Variants in SERPINA12 observed in about 807,000 individuals in gnomAD.
SERPINA12 encodes the protein serpin family A member 12.
SERPINA12 carries 21 observed loss-of-function variants against 25.9 expected under a neutral mutation model. The ratio of observed to expected loss-of-function variants is 0.81; its 90% CI spans 0.58 to 1.17. SERPINA12 has a LOEUF of 1.17. Ranked by LOEUF, SERPINA12 falls within the 50% of genes most tolerant of loss-of-function variation. The pLI, the probability that SERPINA12 is intolerant of heterozygous loss-of-function variation, is 0.00. For synonymous variants in SERPINA12, 220 were observed against 196.0 expected (o/e 1.12, Z -1.02); for missense variants, 562 against 508.3 (o/e 1.11, Z -1.02).
upstream of SERPINA12, among the ~76,000 whole-genome samples, chr14:94,514,468 G>A (rs1042131583): frequency 2.0e-5 from 3 of 152,258 alleles, no homozygotes; most frequent in Non-Finnish European, 4.4e-5. Flanking sequence ...AGTTATGGCT[G>A]GTGGAGGTGG....
chr14:94,503,741 C>A (rs1240470331), intron 1 of SERPINA12, among the ~76,000 whole-genome samples: 1 of 152,222 alleles, frequency 6.6e-6, no homozygotes, highest in African/African-American at 2.4e-5. Context: ...TCTCCATGAA[C>A]CAGTGAGTTG....
At chr14:94,501,104 T>A (rs1385407877) in intron 1 of SERPINA12, 2 of 985,268 alleles carry the variant, frequency 2.0e-6, no homozygotes, top group Non-Finnish European at 2.4e-6. Context: ...GAGAAATTAG[T>A]AAAATTCCCA....
chr14:94,489,859 CCCAGCCCCAAAGGTCT>C lies in SERPINA12; in HGVS notation c.906-108_906-93del, dbSNP rs1900088616. On this transcript the variant is annotated intron_variant, in intron 3 of 4. Transcript: ENST00000677451. ...ACATGACCAATGAAACATGTGTCCT[CCCAGCCCCAAAGGTCT>C]CCAATCTCTCTCCATCCACAGAATG... 9.2e-6 allele frequency: 12 copies of C among 1,309,832 alleles called. No individual in the cohort carries two copies. In the South Asian group the frequency reaches 1.6e-4, roughly 18 times the overall value. 81.1% of individuals were successfully genotyped at this position (1,309,832 alleles called of 1,614,324 possible). A position where few individuals can be genotyped will look rare whatever the true frequency, so the allele number is the denominator to read the frequency against.
chr14:94,505,345 T>C (rs1900894124), intron 1 of SERPINA12, among the ~76,000 whole-genome samples: 1 of 152,218 alleles, frequency 6.6e-6, no homozygotes. Flanking sequence ...CATGGGGATA[T>C]GGGTTCCAGA....
intron 4 of SERPINA12, among the ~76,000 whole-genome samples, chr14:94,488,481 T>G (rs1220933911): frequency 6.6e-6 from 1 of 152,016 alleles, no homozygotes; most frequent in Non-Finnish European, 1.5e-5. Context: ...CAATGCCTTT[T>G]TAACCCCAAA....
intron 4 of SERPINA12, among the ~76,000 whole-genome samples, chr14:94,488,763 A>G (rs537021116): frequency 6.6e-6 from 1 of 152,144 alleles, no homozygotes; most frequent in African/African-American, 2.4e-5. Context: ...TTGCTTGGTC[A>G]TCTCTTCCTA....
chr14:94,488,821 G>A lies in SERPINA12; in HGVS notation c.1053+799C>T, dbSNP rs74244765. Among the ~76,000 whole-genome samples, 267 of 152,262 alleles carry A rather than the reference G, an allele frequency of 1.8e-3. 7 individuals carry two copies. The East Asian group carries it at 0.038, about 22-fold the overall frequency. On this transcript the variant is annotated intron_variant, in intron 4 of 4. Coordinates refer to ENST00000677451, the MANE Select transcript of SERPINA12 (RefSeq NM_001382267.1). ...TCATATGAAACATGTGGCCTTGGGCGCGGTGGCTCACGCCTGTAATCCCAG... is the reference window on the plus strand; with the variant it reads ...TCATATGAAACATGTGGCCTTGGGCACGGTGGCTCACGCCTGTAATCCCAG...
intron 4 of SERPINA12, among the ~76,000 whole-genome samples, chr14:94,487,905 A>C (rs1019853713): frequency 6.6e-6 from 1 of 152,172 alleles, no homozygotes; most frequent in Non-Finnish European, 1.5e-5. Context: ...GATGGTTAAG[A>C]GGGAGAAGGA....
upstream of SERPINA12, among the ~76,000 whole-genome samples, chr14:94,513,735 T>C (rs1387786824): frequency 6.6e-6 from 1 of 152,190 alleles, no homozygotes; most frequent in African/African-American, 2.4e-5. Context: ...TTTAAAAAAT[T>C]ACTGGGTGCT....
intron 1 of SERPINA12, among the ~76,000 whole-genome samples, chr14:94,502,187 T>C (rs2139858104): frequency 6.6e-6 from 1 of 152,254 alleles, no homozygotes. Flanking sequence ...ATAGTCAGTA[T>C]TTCAATTCTC....
In SERPINA12 at chr14:94,489,718, G is replaced by A. The variant is rs768730202; in HGVS notation, c.955C>T (p.Leu319=). Residue 319 remains leucine, a synonymous_variant, in exon 4 of 5, where the codon CTG becomes TTG. Transcript: ENST00000677451. Reference sequence around the variant, plus strand: ...CCTATGTAGGAGAGAGTCTTCTTCAGGTCGAAGGTGCCCGTCATGTGGAGT... The same window carrying A: ...CCTATGTAGGAGAGAGTCTTCTTCAAGTCGAAGGTGCCCGTCATGTGGAGT... ...PRLHMTGTFD[L]KKTLSYIGVS... is the part of the protein sequence containing the mutation. 1.1e-5 allele frequency: 17 copies of A among 1,614,206 alleles called. No homozygotes were observed. The South Asian group carries it at 1.8e-4, about 17-fold the overall frequency.
rs1002304627 is a variant in SERPINA12, at chr14:94,499,804, C to A, written c.-33-1374G>T. 3.9e-5 allele frequency among the ~76,000 whole-genome samples: 6 copies of A among 152,190 alleles called. No homozygotes were observed. In the East Asian group the frequency reaches 1.2e-3, roughly 29 times the overall value. ...TGACATCTAGCCTTGGCCTGGTCCACAGTGGGAGGGCTCTCCAGGCTGGCC... is the reference window on the plus strand; with the variant it reads ...TGACATCTAGCCTTGGCCTGGTCCAAAGTGGGAGGGCTCTCCAGGCTGGCC... On this transcript the variant is annotated intron_variant, in intron 1 of 4. Coordinates refer to ENST00000677451, the MANE Select transcript of SERPINA12 (RefSeq NM_001382267.1).
intron 4 of SERPINA12, among the ~76,000 whole-genome samples, chr14:94,488,614 A>G (rs1900004481): frequency 6.6e-6 from 1 of 152,210 alleles, no homozygotes; most frequent in South Asian, 2.1e-4. Flanking sequence ...TAAAAATATT[A>G]TTCATCATTT....
chr14:94,491,027 A>G (rs1900158463), intron 3 of SERPINA12, among the ~76,000 whole-genome samples: 1 of 152,184 alleles, frequency 6.6e-6, no homozygotes, highest in Admixed American at 6.5e-5. Flanking sequence ...AGCTTTGAAT[A>G]TCATCAACAG....
rs766378600 is a variant in SERPINA12, at chr14:94,497,844, G to C, written c.554C>G (p.Thr185Ser). The C allele has an allele frequency of 1.2e-6, 2 of 1,614,010 alleles. No homozygotes were observed. Among genetic ancestry groups the C allele is most frequent in the Admixed American group, 1.7e-5 (1 of 59,986 alleles). The change falls in exon 2 of 5, where the codon ACC becomes AGC. Residue 185 changes from threonine to serine, a missense_variant. Physicochemically the swap from Thr to Ser is moderately conservative, Grantham distance 58 (BLOSUM62 1). Coordinates refer to ENST00000677451, the MANE Select transcript of SERPINA12 (RefSeq NM_001382267.1). Reference protein sequence around the residue: ...KQINDFISQKTHGKINNLIEN... With the variant: ...KQINDFISQKSHGKINNLIEN... Reference sequence around the variant, plus strand: ...GATCAGGTTGTTAATTTTCCCATGGGTTTTTTGACTGATAAAGTCATTGAT... The same window carrying C: ...GATCAGGTTGTTAATTTTCCCATGGCTTTTTTGACTGATAAAGTCATTGAT...
At chr14:94,494,428 G>A (rs1444648249) in intron 3 of SERPINA12, among the ~76,000 whole-genome samples, 2 of 152,202 alleles carry the variant, frequency 1.3e-5, no homozygotes, top group Admixed American at 6.5e-5. Flanking sequence ...TATCTAGAGT[G>A]AGCTGCAGGC....
chr14:94,493,284 C>T (rs764986259), intron 3 of SERPINA12, among the ~76,000 whole-genome samples: 7 of 152,292 alleles, frequency 4.6e-5, no homozygotes, highest in Middle Eastern at 3.4e-3. Flanking sequence ...TCCCTGGGGA[C>T]GGTGAGCAAG....
chr14:94,499,277 T>C (rs898847367), intron 1 of SERPINA12, among the ~76,000 whole-genome samples: 2 of 152,160 alleles, frequency 1.3e-5, no homozygotes, highest in African/African-American at 4.8e-5. Context: ...GATGGCACCA[T>C]GGGAGAGGAA....
exon 1 of SERPINA12, chr14:94,517,719 C>G (rs186153376): frequency 5.3e-5 from 8 of 152,352 alleles, no homozygotes; most frequent in African/African-American, 1.9e-4. Context: ...AGAGCCTGCT[C>G]GGTTTCAGAT....
Sources: gnomAD v4.1 joint callset for allele counts (sites outside exome capture counted in the v4.1 genomes callset) on GRCh38, gnomAD v4.1.1 for gene constraint, MANE v1.5 for transcripts, NCBI Gene and HGNC (gene_info 2026-07-23, HGNC 2026-07-21) for gene names.